Variants in IGSF10 observed in about 807,000 individuals in gnomAD.
The protein encoded by IGSF10 is calvaria mechanical force protein 608.
IGSF10 carries 126 observed loss-of-function variants against 128.2 expected under a neutral mutation model. That is an observed-to-expected ratio of 0.98 (90% CI 0.85 to 1.14). The LOEUF is 1.14. Among genes scored for constraint, IGSF10 ranks in the 50% most tolerant of loss-of-function variants. The pLI is 0.00. For synonymous variants in IGSF10, 1,185 were observed against 1,146.2 expected, an observed-to-expected ratio of 1.03 and a Z score of -0.68; for missense variants, 3,295 against 3,149.8, an observed-to-expected ratio of 1.05 and a Z score of -1.10.
At position 151,445,359 on chromosome 3, in the gene IGSF10, A is replaced by C; in HGVS notation, c.4622T>G (p.Phe1541Cys). Residue 1541 changes from phenylalanine (F) to cysteine (C), a missense_variant, in exon 6 of 8, where the codon TTC becomes TGC. Phe to Cys is a radical substitution (Grantham distance 205). Transcript: ENST00000282466. ...NAKFTIGTTH[F>C]IYSNLLHSTP... ...AGAATGTAACAGATTAGAGTAGATG[A>C]AGTGAGTGGTTCCAATTGTGAACTT... is the stretch of plus-strand genomic sequence containing the variant. 1 of 1,614,190 alleles carries C rather than the reference A, an allele frequency of 6.2e-7. No individual in the cohort carries two copies. Among genetic ancestry groups the C allele is most frequent in the Non-Finnish European group, 8.5e-7 (1 of 1,180,014 alleles).
downstream of IGSF10, chr3:151,434,650 T>G (rs1484631409): frequency 2.6e-5 from 4 of 152,238 alleles, no homozygotes; most frequent in African/African-American, 4.8e-5. Flanking sequence ...AATGACTGCA[T>G]TGGCAAATCA....
In IGSF10 at chr3:151,446,044, A is replaced by T. The variant is rs748200735; in HGVS notation, c.3937T>A (p.Ser1313Thr). Residue 1313 changes from serine to threonine, a missense_variant, in exon 6 of 8, where the codon TCA becomes ACA. Coordinates refer to ENST00000282466, the MANE Select transcript of IGSF10 (RefSeq NM_178822.5). Reference sequence around the variant, plus strand: ...GTTGCTGGTATTGCTGTTTGCGTTGATATGATGCTTTTTGTACTTGAGTCT... The same window carrying T: ...GTTGCTGGTATTGCTGTTTGCGTTGTTATGATGCTTTTTGTACTTGAGTCT... ...SKDSSTKSII[S>T]TQTAIPATTP... 1 of 1,614,110 alleles carries T rather than the reference A, an allele frequency of 6.2e-7. No individual in the cohort carries two copies. Among genetic ancestry groups the T allele is most frequent in the Non-Finnish European group, 8.5e-7 (1 of 1,180,026 alleles).
upstream of IGSF10, among the ~76,000 whole-genome samples, chr3:151,462,138 A>AATACTCATAAACACTGAGTTAACAT (rs1722085793): frequency 6.6e-6 from 1 of 152,138 alleles, no homozygotes; most frequent in South Asian, 2.1e-4. Context: ...TGGGGCTCCC[A>AATACTCATAAACACTGAGTTAACAT]ATACTCATAA....
the IGSF10 span, among the ~76,000 whole-genome samples, chr3:151,577,123 A>T: frequency 6.6e-6 from 1 of 152,186 alleles, no homozygotes; most frequent in Non-Finnish European, 1.5e-5. Flanking sequence ...ATTTATGTAT[A>T]TACAAGCATA....
the IGSF10 span, among the ~76,000 whole-genome samples, chr3:151,614,763 T>TTGTAAC: frequency 6.6e-6 from 1 of 151,948 alleles, no homozygotes; most frequent in Non-Finnish European, 1.5e-5. Context: ...ATGGCACATG[T>TTGTAAC]ATATATATGT....
the IGSF10 span, among the ~76,000 whole-genome samples, chr3:151,534,801 A>ATG: frequency 0.19 from 27,760 of 148,966 alleles, 2,504 homozygotes; most frequent in East Asian, 0.32. Context: ...TTTAAAGTGT[A>ATG]TGTGTGTGTG....
the IGSF10 span, among the ~76,000 whole-genome samples, chr3:151,593,535 T>G: frequency 6.6e-6 from 1 of 152,096 alleles, no homozygotes; most frequent in Non-Finnish European, 1.5e-5. Flanking sequence ...TTCGGGTTTT[T>G]GGGATATTTC....
At chr3:151,505,409 C>T in the IGSF10 span, among the ~76,000 whole-genome samples, 1 of 152,200 alleles carries the variant, frequency 6.6e-6, no homozygotes, top group East Asian at 1.9e-4. Context: ...TCACCAGGTC[C>T]CTCCCATCAC....
chr3:151,476,808 C>T, the IGSF10 span, among the ~76,000 whole-genome samples: 1 of 152,172 alleles, frequency 6.6e-6, no homozygotes, highest in Non-Finnish European at 1.5e-5. Context: ...ATTTCATGAG[C>T]ATTTTCTAAG....
At chr3:151,510,082 C>T in the IGSF10 span, among the ~76,000 whole-genome samples, 3 of 152,354 alleles carry the variant, frequency 2.0e-5, no homozygotes, top group East Asian at 5.8e-4. Context: ...CAGCAATAAC[C>T]TCTGCAGACT....
At chr3:151,524,970 A>T in the IGSF10 span, among the ~76,000 whole-genome samples, 4 of 146,254 alleles carry the variant, frequency 2.7e-5, no homozygotes, top group South Asian at 8.8e-4. Flanking sequence ...GAAATAGATA[A>T]TCTTTGTAAC....
intron 5 of IGSF10, among the ~76,000 whole-genome samples, chr3:151,450,836 A>G (rs4679830): frequency 0.81 from 118,451 of 146,516 alleles, 48,347 homozygotes; most frequent in Middle Eastern, 0.96. Context: ...CAGAGGTTGC[A>G]GTGAGCCAAG....
the IGSF10 span, among the ~76,000 whole-genome samples, chr3:151,540,637 T>G: frequency 6.6e-6 from 1 of 152,206 alleles, no homozygotes; most frequent in South Asian, 2.1e-4. Flanking sequence ...TCTATGTACT[T>G]CTGTTGACTC....
chr3:151,594,538 G>C, the IGSF10 span, among the ~76,000 whole-genome samples: 2 of 150,934 alleles, frequency 1.3e-5, no homozygotes, highest in African/African-American at 4.9e-5. Context: ...TTTCACCGTG[G>C]TCTCTATCTC....
the IGSF10 span, among the ~76,000 whole-genome samples, chr3:151,501,241 CCT>C: frequency 6.6e-6 from 1 of 151,872 alleles, no homozygotes; most frequent in African/African-American, 2.4e-5. Flanking sequence ...CTCAAGCTTC[CCT>C]GTCTTCCGCA....
At chr3:151,501,707 A>T in the IGSF10 span, among the ~76,000 whole-genome samples, 116 of 152,218 alleles carry the variant, frequency 7.6e-4, no homozygotes, top group African/African-American at 2.5e-3. Flanking sequence ...GATAGTCAAC[A>T]AATCTGTCTC....
At chr3:151,485,882 A>G in the IGSF10 span, among the ~76,000 whole-genome samples, 1 of 152,224 alleles carries the variant, frequency 6.6e-6, no homozygotes, top group Non-Finnish European at 1.5e-5. Flanking sequence ...ACTATGAAGA[A>G]ACTGCATCAA....
Position 151,460,266 on chromosome 3 carries a change from C to G in IGSF10, c.-7G>C. On this transcript the variant is annotated 5_prime_UTR_variant, in exon 2 of 8. Coordinates refer to ENST00000282466, the MANE Select transcript of IGSF10 (RefSeq NM_178822.5). ...GAAATAGGAATTGGCAATACCTGAG[C>G]TCTTCTTTCAGGTCCTGAGTCCTCT... 1.0e-6 allele frequency: 1 copy of G among 953,776 alleles called. No individual in the cohort carries two copies. The highest frequency in any genetic ancestry group is 1.2e-6 in the Non-Finnish European group (1 of 801,056). The allele number at this position is 953,776 out of a possible 1,614,324, so 59.1% of individuals were successfully genotyped here.
the IGSF10 span, among the ~76,000 whole-genome samples, chr3:151,515,014 T>C: frequency 2.0e-5 from 3 of 152,180 alleles, no homozygotes; most frequent in Non-Finnish European, 4.4e-5. Flanking sequence ...TTTTACACTG[T>C]TGGTGGGACT....
Sources: allele counts gnomAD v4.1 joint callset (sites outside exome capture counted in the v4.1 genomes callset), GRCh38; gene constraint gnomAD v4.1.1; transcripts MANE v1.5; gene names NCBI Gene and HGNC (gene_info 2026-07-23, HGNC 2026-07-21).